Variants in POLH observed in about 807,000 individuals in gnomAD.
The protein encoded by POLH is DNA polymerase eta.
In POLH, 53 loss-of-function variants were observed where a neutral mutation model predicts 73.6. The ratio of observed to expected loss-of-function variants is 0.72; its 90% CI spans 0.58 to 0.91. POLH has a LOEUF of 0.91. Among genes scored for constraint, POLH ranks in the 40% least tolerant of loss-of-function variants. The pLI, the probability that POLH is intolerant of heterozygous loss-of-function variation, is 0.00. For synonymous variants in POLH, 292 were observed against 308.5 expected (o/e 0.95, Z 0.56); for missense variants, 768 against 865.4 (o/e 0.89, Z 1.41).
At chr6:43,605,363 A>G in intron 9 of POLH, 44 bp downstream of exon 9, 1 of 951,882 alleles carries the variant, frequency 1.1e-6, no homozygotes, top group Admixed American at 1.8e-5. Flanking sequence ...TTTGCAATTT[A>G]CATATCAGCT....
chr6:43,600,172 GAA>G (rs1582301900), intron 5 of POLH, among the ~76,000 whole-genome samples: 1 of 150,598 alleles, frequency 6.6e-6, no homozygotes, highest in Non-Finnish European at 1.5e-5. Flanking sequence ...AAAAAAAAAA[GAA>G]AAAGAGTTCT....
intron 1 of POLH, among the ~76,000 whole-genome samples, chr6:43,578,177 A>T (rs1763592685): frequency 6.6e-6 from 1 of 152,062 alleles, no homozygotes; most frequent in Non-Finnish European, 1.5e-5. Flanking sequence ...GCCTAAGGTC[A>T]GGAGTTAGAG....
chr6:43,585,370 C>G (rs1294985134), intron 3 of POLH, among the ~76,000 whole-genome samples: 1 of 152,116 alleles, frequency 6.6e-6, no homozygotes, highest in East Asian at 1.9e-4. Context: ...ACTTGACCTG[C>G]AGTATCTCTC....
At chr6:43,609,669 C>G (rs989871120) in intron 9 of POLH, among the ~76,000 whole-genome samples, 3 of 152,168 alleles carry the variant, frequency 2.0e-5, no homozygotes, top group Admixed American at 6.5e-5. Context: ...GTAGAAACTT[C>G]TGGAATTGGT....
intron 5 of POLH, among the ~76,000 whole-genome samples, chr6:43,599,148 C>T (rs1766445554): frequency 6.6e-6 from 1 of 151,896 alleles, no homozygotes; most frequent in South Asian, 2.1e-4. Context: ...ACCACCATGC[C>T]TGGCTAATTT....
chr6:43,607,124 C>T (rs1767390870), intron 9 of POLH, among the ~76,000 whole-genome samples: 2 of 152,206 alleles, frequency 1.3e-5, no homozygotes, highest in Non-Finnish European at 2.9e-5. Flanking sequence ...GAGACGGAGT[C>T]TCGCTCTGTC....
intron 4 of POLH, among the ~76,000 whole-genome samples, chr6:43,592,466 C>T (rs1247812349): frequency 6.8e-6 from 1 of 147,288 alleles, no homozygotes; most frequent in Non-Finnish European, 1.5e-5. Flanking sequence ...GGCTGGAGTG[C>T]AGTGGTGCAA....
At chr6:43,593,546 G>T (rs1765699015) in intron 4 of POLH, among the ~76,000 whole-genome samples, 1 of 152,138 alleles carries the variant, frequency 6.6e-6, no homozygotes, top group African/African-American at 2.4e-5. Context: ...GGGTGTGTGT[G>T]GTGGCAATTC....
chr6:43,609,161 C>T (rs983258919), intron 9 of POLH, among the ~76,000 whole-genome samples: 1 of 152,170 alleles, frequency 6.6e-6, no homozygotes, highest in African/African-American at 2.4e-5. Flanking sequence ...CTGCCTTATT[C>T]TGCTTTTCTT....
chr6:43,597,674 G>A (rs1331931848), intron 4 of POLH, 22 bp from the exon 5 acceptor site: 1 of 1,600,828 alleles, frequency 6.2e-7, no homozygotes, highest in Non-Finnish European at 8.6e-7. Context: ...ATGTCTAAAT[G>A]TGAGTTCTTA....
chr6:43,587,602 G>A (rs1428684816), intron 4 of POLH, 113 bp downstream of exon 4: 3 of 777,138 alleles, frequency 3.9e-6, no homozygotes, highest in African/African-American at 1.7e-5. Flanking sequence ...CAGCCTGAAT[G>A]AATCACAAGG....
chr6:43,613,372 C>T (rs1475269985), intron 10 of POLH, among the ~76,000 whole-genome samples: 1 of 152,086 alleles, frequency 6.6e-6, no homozygotes, highest in Non-Finnish European at 1.5e-5. Context: ...CTCTAGCTGT[C>T]GGGAGGTGAG....
chr6:43,591,530 G>T (rs1765459356), intron 4 of POLH, among the ~76,000 whole-genome samples: 1 of 151,910 alleles, frequency 6.6e-6, no homozygotes, highest in Non-Finnish European at 1.5e-5. Flanking sequence ...TGTTGGTCAG[G>T]CTGGTCTCAA....
rs765674547 is a variant in POLH at position 43,582,935 on chromosome 6, G to C, written c.138-72G>C. 3 of 1,269,196 alleles carry C rather than the reference G, an allele frequency of 2.4e-6. No homozygotes were observed. The African/African-American group carries it at 4.4e-5, about 19-fold the overall frequency. The allele number at this position is 1,269,196 out of a possible 1,614,324, so 78.6% of individuals were successfully genotyped here. The stretch of plus-strand genomic sequence containing the variant: ...TTTCTAATATGTTTATAGATTACTT[G>C]TGTTAAATGTTACTTGTTTTTGCTT... On this transcript the variant is annotated intron_variant, in intron 2 of 10. Coordinates refer to ENST00000372236, the MANE Select transcript of POLH (RefSeq NM_006502.3).
At chr6:43,606,792 T>C (rs538868441) in intron 9 of POLH, among the ~76,000 whole-genome samples, 1 of 152,132 alleles carries the variant, frequency 6.6e-6, no homozygotes, top group Non-Finnish European at 1.5e-5. Flanking sequence ...AATTCACCCA[T>C]TTAAAATAAT....
chr6:43,612,538 G>C (rs1295826471), intron 10 of POLH, among the ~76,000 whole-genome samples: 2 of 151,822 alleles, frequency 1.3e-5, no homozygotes, highest in East Asian at 3.9e-4. Flanking sequence ...GTAGAGACAG[G>C]GTTTCTCCAT....
chr6:43,579,389 C>T (rs757815996), intron 1 of POLH, among the ~76,000 whole-genome samples: 52 of 152,168 alleles, frequency 3.4e-4, no homozygotes, highest in Non-Finnish European at 5.3e-4. Flanking sequence ...CATTTCTACA[C>T]GGATGTCAGT....
Position 43,597,846 on chromosome 6 carries a change from C to T in POLH, c.641C>T (p.Ala214Val). The T allele has an allele frequency of 6.2e-7, 1 of 1,613,496 alleles. No homozygotes were observed. Among genetic ancestry groups the T allele is most frequent in the Non-Finnish European group, 8.5e-7 (1 of 1,179,454 alleles). Residue 214 changes from alanine to valine, a missense_variant, in exon 5 of 11, where the codon GCT becomes GTT. Ala to Val is a moderately conservative substitution (Grantham distance 64). Coordinates refer to ENST00000372236, the MANE Select transcript of POLH (RefSeq NM_006502.3). ...IERETGFQCS[A>V]GISHNKVLAK... ...AGGGAGACTGGTTTTCAGTGTTCAG[C>T]TGGAATTTCACACAATAAGGTGAAG...
chr6:43,584,233 TA>T (rs1203057260), intron 3 of POLH, among the ~76,000 whole-genome samples: 1 of 152,214 alleles, frequency 6.6e-6, no homozygotes, highest in African/African-American at 2.4e-5. Context: ...CAAGGTACAC[TA>T]TACTATGTGT....
Sources: allele counts gnomAD v4.1 joint callset (sites outside exome capture counted in the v4.1 genomes callset), GRCh38; gene constraint gnomAD v4.1.1; transcripts MANE v1.5; gene names NCBI Gene and HGNC (gene_info 2026-07-23, HGNC 2026-07-21).